Variants in BLOC1S5 observed in about 807,000 individuals in gnomAD.
The protein encoded by BLOC1S5 is biogenesis of lysosomal organelles complex 1 subunit 5.
A neutral mutation model predicts 24.3 loss-of-function variants in BLOC1S5; 27 were observed. The ratio of observed to expected loss-of-function variants is 1.11; its 90% confidence interval spans 0.82 to 1.53. The LOEUF (loss-of-function observed/expected upper bound fraction) is 1.53, where lower values mean the gene tolerates loss of function less well. BLOC1S5 is among the 40% of genes most tolerant of loss of function. The pLI is 0.00. For missense variants in BLOC1S5, 239 were observed against 229.4 expected, an observed-to-expected ratio of 1.04 and a Z score of -0.27; for synonymous variants, 84 against 74.5, an observed-to-expected ratio of 1.13 and a Z score of -0.66.
chr6:8,025,840 G>A (rs1168422831), intron 4 of BLOC1S5, among the ~76,000 whole-genome samples: 4 of 152,202 alleles, frequency 2.6e-5, no homozygotes, highest in African/African-American at 7.2e-5. Context: ...AATTGCAAGT[G>A]AATACCACCA....
intron 2 of BLOC1S5, among the ~76,000 whole-genome samples, chr6:8,041,545 C>T (rs1166258329): frequency 6.6e-6 from 1 of 151,896 alleles, no homozygotes; most frequent in East Asian, 1.9e-4. Context: ...ATCTCCTGAC[C>T]TTGTGATCCG....
chr6:8,029,832 T>C (rs907906622), intron 3 of BLOC1S5, among the ~76,000 whole-genome samples: 1 of 151,954 alleles, frequency 6.6e-6, no homozygotes, highest in African/African-American at 2.4e-5. Flanking sequence ...AGTGATCTAG[T>C]GAAAGAAAAA....
chr6:8,055,034 T>G (rs1764262699), intron 2 of BLOC1S5, among the ~76,000 whole-genome samples: 1 of 152,252 alleles, frequency 6.6e-6, no homozygotes, highest in African/African-American at 2.4e-5. Flanking sequence ...CCTTTTATTT[T>G]TGCTAATTAT....
At chr6:8,019,492 C>T (rs751048281) in intron 4 of BLOC1S5, among the ~76,000 whole-genome samples, 8 of 152,150 alleles carry the variant, frequency 5.3e-5, no homozygotes, top group Non-Finnish European at 1.2e-4. Context: ...TGGTCTTGAA[C>T]TCCTGACCTC....
chr6:8,048,813 G>A (rs930502032), intron 2 of BLOC1S5, among the ~76,000 whole-genome samples: 3 of 151,648 alleles, frequency 2.0e-5, no homozygotes, highest in African/African-American at 7.3e-5. Flanking sequence ...AGGAGTTCAA[G>A]ACCAACCTGG....
At chr6:8,019,609 G>T (rs2038347) in intron 4 of BLOC1S5, among the ~76,000 whole-genome samples, 2 of 41,536 alleles carry the variant, frequency 4.8e-5, no homozygotes, top group Admixed American at 2.5e-4. Flanking sequence ...AAGAAAAAAG[G>T]GGGGGGGGGC....
At chr6:8,024,600 T>C (rs9379154) in intron 4 of BLOC1S5, among the ~76,000 whole-genome samples, 38,602 of 150,770 alleles carry the variant, frequency 0.26, 6,564 homozygotes, top group East Asian at 0.73. Flanking sequence ...TTTTAAACCA[T>C]GGGACAGACA....
intron 3 of BLOC1S5, among the ~76,000 whole-genome samples, chr6:8,032,743 A>C (rs1055653530): frequency 2.6e-5 from 4 of 152,228 alleles, no homozygotes; most frequent in African/African-American, 9.6e-5. Context: ...GTCTCAGCCC[A>C]AAATCTCCTT....
In BLOC1S5 at chr6:8,030,977, C is replaced by T. The variant is rs115980606; in HGVS notation, c.326-4552G>A. Among the ~76,000 whole-genome samples, 1,325 of 152,024 alleles carry T rather than the reference C, an allele frequency of 8.7e-3. 17 individuals are homozygous for T. Among genetic ancestry groups the T allele is most frequent in the African/African-American group, 0.03 (1,246 of 41,450 alleles). ...GCAAAACCGGTATAGAAGGGACATA[C>T]CCTAAGGTAGTAAAAGCCATCTACG... On this transcript the variant is annotated intron_variant, in intron 3 of 4. Coordinates refer to ENST00000397457, the MANE Select transcript of BLOC1S5 (RefSeq NM_201280.3).
intron 2 of BLOC1S5, among the ~76,000 whole-genome samples, chr6:8,061,251 CAAAT>C (rs535632520): frequency 9.2e-5 from 14 of 151,724 alleles, no homozygotes; most frequent in South Asian, 2.1e-4. Context: ...ATAATGATGA[CAAAT>C]AAATAAATAA....
intron 3 of BLOC1S5, among the ~76,000 whole-genome samples, chr6:8,026,919 T>C (rs1481960672): frequency 1.3e-5 from 2 of 152,220 alleles, no homozygotes; most frequent in Admixed American, 1.3e-4. Flanking sequence ...CTATGTATTA[T>C]CCCTCTTAAT....
intron 3 of BLOC1S5, among the ~76,000 whole-genome samples, chr6:8,039,772 GAAC>G (rs1159164369): frequency 3.3e-5 from 5 of 152,140 alleles, no homozygotes; most frequent in Admixed American, 6.5e-5. Flanking sequence ...ATACCACAGT[GAAC>G]AACAACAACA....
At chr6:8,020,238 A>G (rs1054231903) in intron 4 of BLOC1S5, among the ~76,000 whole-genome samples, 11 of 152,226 alleles carry the variant, frequency 7.2e-5, no homozygotes, top group Non-Finnish European at 1.5e-5. Context: ...GACCTACAAC[A>G]TCTCCATTAA....
chr6:8,031,390 A>C (rs2815136), intron 3 of BLOC1S5, among the ~76,000 whole-genome samples: 61,746 of 152,018 alleles, frequency 0.41, 13,996 homozygotes, highest in East Asian at 0.78. Flanking sequence ...TAGCTGCAAA[A>C]AAAGCAAAAT....
intron 3 of BLOC1S5, 140 bp from the exon 4 acceptor site, chr6:8,026,565 G>A: frequency 1.5e-6 from 1 of 667,328 alleles, no homozygotes; most frequent in Non-Finnish European, 2.5e-6. Context: ...TTATTTTGGT[G>A]GTGGTGGGAT....
At chr6:8,048,674 A>G (rs1245295079) in intron 2 of BLOC1S5, among the ~76,000 whole-genome samples, 1 of 152,212 alleles carries the variant, frequency 6.6e-6, no homozygotes, top group Non-Finnish European at 1.5e-5. Flanking sequence ...TTTTGAAGGT[A>G]TATTTCACTA....
rs370648525 is a variant in BLOC1S5 at position 8,019,611 on chromosome 6, G to GGC, written c.385-3784_385-3783insGC. On this transcript the variant is annotated intron_variant, in intron 4 of 4. Transcript: ENST00000397457. The stretch of plus-strand genomic sequence containing the variant: ...ACAACAATCAGTAAAGAAAAAAGGG[G>GGC]GGGGGGGCGCCTATACATTCATGTA... Among the ~76,000 whole-genome samples, 76 of 151,898 alleles carry GGC rather than the reference G, an allele frequency of 5.0e-4. 3 individuals are homozygous for GGC. In the South Asian group the frequency reaches 5.4e-3, roughly 11 times the overall value.
At chr6:8,058,560 G>C (rs1275961402) in intron 2 of BLOC1S5, among the ~76,000 whole-genome samples, 1 of 152,058 alleles carries the variant, frequency 6.6e-6, no homozygotes, top group Non-Finnish European at 1.5e-5. Context: ...TCAGAGGACG[G>C]GTTACTGTGG....
In BLOC1S5 at chr6:8,063,519, G is replaced by A. The variant is rs189191979; in HGVS notation, c.112+746C>T. Among the ~76,000 whole-genome samples the A allele has an allele frequency of 1.5e-3, 227 of 152,188 alleles. 2 individuals are homozygous for A. Among genetic ancestry groups the A allele is most frequent in the African/African-American group, 5.2e-3 (214 of 41,520 alleles). ...AAATTTTTCATTTTTGCAGACATACGATGGGCAGGTTTCAATTCTCTATTT... is the reference window on the plus strand; with the variant it reads ...AAATTTTTCATTTTTGCAGACATACAATGGGCAGGTTTCAATTCTCTATTT... On this transcript the variant is annotated intron_variant, in intron 1 of 4. Transcript: ENST00000397457.
Sources: allele counts gnomAD v4.1 joint callset (sites outside exome capture counted in the v4.1 genomes callset), GRCh38; gene constraint gnomAD v4.1.1; transcripts MANE v1.5; gene names NCBI Gene and HGNC (gene_info 2026-07-23, HGNC 2026-07-21).